Variants in IL2RB observed in about 807,000 individuals in gnomAD.
IL2RB encodes the protein interleukin-2 receptor subunit beta.
A neutral mutation model predicts 44.2 loss-of-function variants in IL2RB; 17 were observed. The ratio of observed to expected loss-of-function variants is 0.38; its 90% confidence interval spans 0.26 to 0.58. IL2RB has a LOEUF of 0.58. IL2RB is among the 20% of genes least tolerant of loss of function. The pLI, the probability that IL2RB is intolerant of heterozygous loss-of-function variation, is 0.63. For missense variants in IL2RB, 624 were observed against 685.5 expected, an observed-to-expected ratio of 0.91 and a Z score of 1.00; for synonymous variants, 286 against 297.9, an observed-to-expected ratio of 0.96 and a Z score of 0.41.
rs1465226005 is a variant in IL2RB, at chr22:37,127,861, C to T, written c.*235G>A. 3 of 387,066 alleles carry T rather than the reference C, an allele frequency of 7.8e-6. No individual in the cohort carries two copies. Among genetic ancestry groups the T allele is most frequent in the African/African-American group, 2.1e-5 (1 of 48,220 alleles). The allele number at this position is 387,066 out of a possible 1,614,324, so 24.0% of individuals were successfully genotyped here. ...TAACGAGGGAGTTGGGGAGTTACTG[C>T]CCCCCTGCAACACACACAGTTCCTG... On this transcript the variant is annotated 3_prime_UTR_variant, in exon 10 of 10. Transcript: ENST00000216223.
chr22:37,170,754 C>A (rs1008787281), intron 1 of IL2RB, among the ~76,000 whole-genome samples: 4 of 152,240 alleles, frequency 2.6e-5, no homozygotes, highest in Admixed American at 6.5e-5. Flanking sequence ...TCTCCGCAAA[C>A]ACACAGATTC....
chr22:37,135,275 T>C, intron 8 of IL2RB, 53 bp downstream of exon 8: 2 of 1,162,758 alleles, frequency 1.7e-6, no homozygotes, highest in Non-Finnish European at 2.6e-6. Context: ...TGTGCATGTG[T>C]GTGCACGTTG....
At chr22:37,139,043 G>A (rs1195500883) in intron 5 of IL2RB, 74 bp downstream of exon 5, 8 of 958,816 alleles carry the variant, frequency 8.3e-6, no homozygotes, top group Admixed American at 3.6e-5. Flanking sequence ...GCTGGAGCAG[G>A]GAAGATCCCA....
rs1167923449 is a variant in IL2RB at position 37,141,285 on chromosome 22, C to T, written c.282+1149G>A. ...TGCAAGCAGGGAGCACGCAGGAGAC[C>T]CACCCTCCCGGGCACAGCTGCAGCT... On this transcript the variant is annotated intron_variant, in intron 4 of 9. Coordinates refer to ENST00000216223, the MANE Select transcript of IL2RB (RefSeq NM_000878.5). This position sits in a 1 kb window ranked among gnomAD's most constrained non-coding sequence, Gnocchi z 4.4. Among the ~76,000 whole-genome samples the T allele has an allele frequency of 1.3e-5, 2 of 152,124 alleles. No homozygotes were observed. The highest frequency in any genetic ancestry group is 2.9e-5 in the Non-Finnish European group (2 of 67,988).
chr22:37,164,305 G>T (rs1257410355), intron 1 of IL2RB, among the ~76,000 whole-genome samples: 1 of 152,096 alleles, frequency 6.6e-6, no homozygotes, highest in Non-Finnish European at 1.5e-5. Context: ...GTGCACAAGG[G>T]GTCAGAGGAG....
At chr22:37,164,340 G>A (rs905097476) in intron 1 of IL2RB, among the ~76,000 whole-genome samples, 10 of 152,060 alleles carry the variant, frequency 6.6e-5, no homozygotes, top group Admixed American at 3.3e-4. Flanking sequence ...GAGGGGGCAC[G>A]GGGGTGCTTT....
chr22:37,139,328 C>CTGCCTTGGGTGGCGGGGCATGT, intron 4 of IL2RB, 106 bp from the exon 5 acceptor site: 1 of 719,752 alleles, frequency 1.4e-6, no homozygotes, highest in Non-Finnish European at 2.4e-6. Flanking sequence ...CCACATGCCC[C>CTGCCTTGGGTGGCGGGGCATGT]GCCACCCAAG....
At chr22:37,148,109 C>A (rs1024628691) in intron 1 of IL2RB, among the ~76,000 whole-genome samples, 24 of 152,312 alleles carry the variant, frequency 1.6e-4, no homozygotes, top group African/African-American at 5.5e-4. Context: ...TAGGGGTAAA[C>A]CACAGGCCCA....
chr22:37,142,370 G>T, intron 4 of IL2RB, 64 bp downstream of exon 4: 5 of 1,472,720 alleles, frequency 3.4e-6, no homozygotes, highest in Non-Finnish European at 4.8e-6. Context: ...CCCACCCTGA[G>T]ATCGCAGCCC....
chr22:37,154,227 T>A (rs1227026537), upstream of IL2RB, among the ~76,000 whole-genome samples: 2 of 152,178 alleles, frequency 1.3e-5, no homozygotes, highest in Non-Finnish European at 2.9e-5. Flanking sequence ...ATGGAGCCGG[T>A]TTGTTCTTTT....
rs1921207631 is a variant in IL2RB at position 37,128,000 on chromosome 22, G to A, written c.*96C>T. ...AGAAGTCCAGCTGCAACTGGACACT[G>A]AGTGTCCTCAGCAGTGGACTGAGGA... On this transcript the variant is annotated 3_prime_UTR_variant, in exon 10 of 10. Coordinates refer to ENST00000216223, the MANE Select transcript of IL2RB (RefSeq NM_000878.5). The A allele has an allele frequency of 9.7e-7, 1 of 1,031,092 alleles. No homozygotes were observed. The highest frequency in any genetic ancestry group is 1.3e-6 in the Non-Finnish European group (1 of 762,566). The allele number at this position is 1,031,092 out of a possible 1,614,324, so 63.9% of individuals were successfully genotyped here. A position where few individuals can be genotyped will look rare whatever the true frequency, so the allele number is the denominator to read the frequency against.
At chr22:37,149,778 C>G in intron 1 of IL2RB, 47 bp downstream of exon 1, 1 of 903,458 alleles carries the variant, frequency 1.1e-6, no homozygotes, top group South Asian at 5.1e-5. Context: ...CACTCCCAGC[C>G]CTCTGGCTGG....
intron 1 of IL2RB, among the ~76,000 whole-genome samples, chr22:37,169,034 G>A (rs932446786): frequency 6.6e-6 from 1 of 151,980 alleles, no homozygotes; most frequent in African/African-American, 2.4e-5. Flanking sequence ...GTTTACAGAG[G>A]AGTTCTGTTT....
chr22:37,142,726 C>A (rs1007588815), intron 3 of IL2RB: 5 of 702,042 alleles, frequency 7.1e-6, no homozygotes, highest in African/African-American at 1.8e-5. Flanking sequence ...CTCATCCCAG[C>A]CTGGTCCCAC....
intron 3 of IL2RB, 96 bp from the exon 4 acceptor site, chr22:37,142,608 C>G: frequency 7.6e-7 from 1 of 1,312,360 alleles, no homozygotes; most frequent in Non-Finnish European, 1.1e-6. Context: ...CAGGATGGCA[C>G]CAGGCAGCAA....
At position 37,141,026 on chromosome 22, in the gene IL2RB, G is replaced by A. The variant is rs1921942680; in HGVS notation, c.282+1408C>T. The stretch of plus-strand genomic sequence containing the variant: ...AAAACTCTGGCTGCAGCCGGGAGGC[G>A]TAGCTGGGGTCTCCTGCTCCACGGA... On this transcript the variant is annotated intron_variant, in intron 4 of 9. Coordinates refer to ENST00000216223, the MANE Select transcript of IL2RB (RefSeq NM_000878.5). The surrounding 1 kb of genome is among the most constrained non-coding windows in gnomAD (Gnocchi z 4.4). Among the ~76,000 whole-genome samples the A allele has an allele frequency of 3.3e-5, 5 of 152,306 alleles. No individual in the cohort carries two copies. The highest frequency in any genetic ancestry group is 2.1e-4 in the South Asian group (1 of 4,828).
rs530024523 is a variant in IL2RB, at chr22:37,130,218, G to T, written c.904-1370C>A. Among the ~76,000 whole-genome samples, 9 of 152,374 alleles carry T rather than the reference G, an allele frequency of 5.9e-5. No individual in the cohort carries two copies. The South Asian group carries it at 1.9e-3, about 32-fold the overall frequency. ...AGAGGAAGAAGCACTGGTCGGGTGA[G>T]ATTCATGATACCCAGGGCAAGGGCG... On this transcript the variant is annotated intron_variant, in intron 9 of 9. Coordinates refer to ENST00000216223, the MANE Select transcript of IL2RB (RefSeq NM_000878.5).
intron 1 of IL2RB, among the ~76,000 whole-genome samples, chr22:37,173,601 C>A (rs1340129641): frequency 1.3e-5 from 2 of 152,224 alleles, no homozygotes; most frequent in African/African-American, 2.4e-5. Context: ...TTAATCCTCA[C>A]AACAGCCCAG....
intron 6 of IL2RB, 143 bp downstream of exon 6, chr22:37,137,444 G>C (rs760253093): frequency 5.0e-5 from 40 of 794,152 alleles, no homozygotes; most frequent in Non-Finnish European, 7.5e-5. Context: ...GGCAGCCCCA[G>C]GCAGTGCAGA....
Sources: allele counts gnomAD v4.1 joint callset (sites outside exome capture counted in the v4.1 genomes callset), GRCh38; gene constraint gnomAD v4.1.1; non-coding constraint Gnocchi (gnomAD v3.1); transcripts MANE v1.5; gene names NCBI Gene and HGNC (gene_info 2026-07-23, HGNC 2026-07-21).